Variants in CPLANE1 observed in about 807,000 individuals in gnomAD.
The protein encoded by CPLANE1 is ciliogenesis and planar polarity effector complex subunit 1.
A neutral mutation model predicts 362.5 loss-of-function variants in CPLANE1; 263 were observed. The ratio of observed to expected loss-of-function variants is 0.73; its 90% confidence interval spans 0.66 to 0.80. CPLANE1 has a LOEUF of 0.80. Among genes scored for constraint, CPLANE1 ranks in the 30% least tolerant of loss-of-function variants. CPLANE1 has a pLI of 0.00. For missense variants in CPLANE1, 3,461 were observed against 3,793.4 expected, an observed-to-expected ratio of 0.91 and a Z score of 2.30; for synonymous variants, 1,212 against 1,302.6, an observed-to-expected ratio of 0.93 and a Z score of 1.50.
Position 37,227,296 on chromosome 5 carries a change from G to A in CPLANE1, c.1468C>T (p.Pro490Ser). 1 of 1,552,018 alleles carries A rather than the reference G, an allele frequency of 6.4e-7. No individual in the cohort carries two copies. Among genetic ancestry groups the A allele is most frequent in the Non-Finnish European group, 8.7e-7 (1 of 1,147,012 alleles). Residue 490 changes from proline to serine, a missense_variant, in exon 11 of 53, where the codon CCC becomes TCC. Physicochemically the swap from Pro to Ser is moderately conservative, Grantham distance 74 (BLOSUM62 -1). Transcript: ENST00000651892. ...GNESSADFTV[P>S]KFLQAEETIN... ...GTTTCTTCTGCCTGCAAGAATTTGG[G>A]GACAGTGAAATCGGCTGAACTTTCA...
chr5:37,113,757 C>A (rs1411039494), intron 51 of CPLANE1, among the ~76,000 whole-genome samples: 1 of 152,156 alleles, frequency 6.6e-6, no homozygotes, highest in African/African-American at 2.4e-5. Context: ...CAAGCCTAGG[C>A]TAATTACTTC....
chr5:37,139,775 C>A lies in CPLANE1; in HGVS notation c.8633-405G>T, dbSNP rs936640941. The A allele has an allele frequency of 7.1e-6, 6 of 844,480 alleles. No individual in the cohort carries two copies. The African/African-American group carries it at 9.2e-5, about 13-fold the overall frequency. The allele number at this position is 844,480 out of a possible 1,614,324, so 52.3% of individuals were successfully genotyped here. A position where few individuals can be genotyped will look rare whatever the true frequency, so the allele number is the denominator to read the frequency against. On this transcript the variant is annotated intron_variant, in intron 44 of 52. Coordinates refer to ENST00000651892, the MANE Select transcript of CPLANE1 (RefSeq NM_001384732.1). ...ATGTTGCCCAGGTTGGTCTCGAACTCCTGAGCTCAAGTGATTCACCTGCCT... is the reference window on the plus strand; with the variant it reads ...ATGTTGCCCAGGTTGGTCTCGAACTACTGAGCTCAAGTGATTCACCTGCCT...
chr5:37,215,272 C>T (rs539815927), intron 15 of CPLANE1, among the ~76,000 whole-genome samples: 18 of 152,258 alleles, frequency 1.2e-4, no homozygotes, highest in African/African-American at 4.3e-4. Context: ...TGGTCTCGAA[C>T]TCTTGACCTC....
chr5:37,213,689 A>T lies in CPLANE1; in HGVS notation c.2790T>A (p.Val930=). The change falls in exon 16 of 53, where the codon GTT becomes GTA. Residue 930 remains valine, a synonymous_variant. Coordinates refer to ENST00000651892, the MANE Select transcript of CPLANE1 (RefSeq NM_001384732.1). ...CGACTCTCACTGCTGCCTCAGGATG[A>T]ACACCGCCCACCATTCCACACTCAA... ...SHFECGMVGG[V]HPEAAVRVVQ... The T allele has an allele frequency of 6.5e-7, 1 of 1,538,054 alleles. No individual in the cohort carries two copies.
intron 49 of CPLANE1, 80 bp downstream of exon 49, chr5:37,121,537 C>CT: frequency 7.5e-7 from 1 of 1,327,374 alleles, no homozygotes; most frequent in South Asian, 1.3e-5. Context: ...ATGCACTGAA[C>CT]TTAGGTCACG....
Position 37,224,758 on chromosome 5 carries a change from T to A in CPLANE1, c.2292-18A>T. 6.6e-7 allele frequency: 1 copy of A among 1,525,348 alleles called. No homozygotes were observed. Among genetic ancestry groups the A allele is most frequent in the Non-Finnish European group, 8.9e-7 (1 of 1,126,214 alleles). The allele number at this position is 1,525,348 out of a possible 1,614,324, so 94.5% of individuals were successfully genotyped here. A position where few individuals can be genotyped will look rare whatever the true frequency, so the allele number is the denominator to read the frequency against. ...TAAGCAATCTGCACATAAAATCAGG[T>A]AATTATCAAAAGCAAATTTCAGGCT... On this transcript the variant is annotated intron_variant, in intron 12 of 52. Coordinates refer to ENST00000651892, the MANE Select transcript of CPLANE1 (RefSeq NM_001384732.1).
At chr5:37,214,442 T>C (rs1793479938) in intron 15 of CPLANE1, among the ~76,000 whole-genome samples, 1 of 151,998 alleles carries the variant, frequency 6.6e-6, no homozygotes, top group Non-Finnish European at 1.5e-5. Flanking sequence ...GCCAGTGCAC[T>C]CCAGCCTGGG....
chr5:37,107,896 CAA>C, intron 52 of CPLANE1, 118 bp from the exon 53 acceptor site: 1 of 1,426,512 alleles, frequency 7.0e-7, no homozygotes, highest in East Asian at 2.5e-5. Context: ...GCTCATCCAT[CAA>C]AAGGCTGAAG....
At chr5:37,110,555 G>T (rs773826739) in intron 51 of CPLANE1, among the ~76,000 whole-genome samples, 39 of 152,100 alleles carry the variant, frequency 2.6e-4, no homozygotes, top group Non-Finnish European at 4.9e-4. Flanking sequence ...TGCTAGAGTA[G>T]TTCCACCTAG....
the CPLANE1 span, among the ~76,000 whole-genome samples, chr5:37,098,484 G>T: frequency 1.3e-5 from 2 of 150,390 alleles, no homozygotes; most frequent in African/African-American, 2.5e-5. Flanking sequence ...AGAAACATTG[G>T]AATTAAATTT....
Position 37,184,313 on chromosome 5 carries a change from C to T in CPLANE1, c.4481+475G>A, listed in dbSNP as rs191051743. ...AGGGCAGAACACAGATCCTTAGTTC[C>T]CTCAGTAAGAGAACAGGTGTTGGCC... On this transcript the variant is annotated intron_variant, in intron 25 of 52. Coordinates refer to ENST00000651892, the MANE Select transcript of CPLANE1 (RefSeq NM_001384732.1). Among the ~76,000 whole-genome samples the T allele has an allele frequency of 5.9e-3, 894 of 152,138 alleles. 34 individuals are homozygous for T. The highest frequency in any genetic ancestry group is 0.052 in the Admixed American group (792 of 15,262).
the CPLANE1 span, among the ~76,000 whole-genome samples, chr5:37,076,398 G>A: frequency 4.0e-5 from 6 of 151,606 alleles, no homozygotes; most frequent in African/African-American, 9.7e-5. Context: ...CGCAACCTTC[G>A]CCTCCCAGAT....
intron 5 of CPLANE1, among the ~76,000 whole-genome samples, chr5:37,243,587 C>A (rs1738381825): frequency 6.7e-6 from 1 of 149,900 alleles, no homozygotes; most frequent in African/African-American, 2.4e-5. Flanking sequence ...TGTTATTTCC[C>A]AGTTAAATCG....
At chr5:37,131,334 T>A (rs906106425) in intron 46 of CPLANE1, among the ~76,000 whole-genome samples, 2 of 152,104 alleles carry the variant, frequency 1.3e-5, no homozygotes, top group African/African-American at 4.8e-5. Context: ...CACAGTCAGC[T>A]AGTCTCACTC....
chr5:37,244,952 C>G (rs1373313989), intron 4 of CPLANE1, among the ~76,000 whole-genome samples: 1 of 151,694 alleles, frequency 6.6e-6, no homozygotes, highest in Non-Finnish European at 1.5e-5. Flanking sequence ...GAGATCAAGA[C>G]CATCCTGGCT....
rs1339135347 is a variant in CPLANE1, at chr5:37,107,629, C to T, written c.9729G>A (p.Leu3243=). 3 of 1,610,934 alleles carry T rather than the reference C, an allele frequency of 1.9e-6. No individual in the cohort carries two copies. In the East Asian group the frequency reaches 6.7e-5, roughly 36 times the overall value. Residue 3243 remains leucine (L), a synonymous_variant, in exon 53 of 53, where the codon CTG becomes CTA. Transcript: ENST00000651892. ...ACAGGTCCAGGGCCCAGTGGACAGA[C>T]AGGCCCTGGTCCTCCACGCTGGCCA... ...DMVASVEDQG[L]SVHWALDL
chr5:37,162,374 T>C lies in CPLANE1; in HGVS notation c.7690+91A>G, dbSNP rs1580310115. 1.3e-5 allele frequency: 10 copies of C among 758,028 alleles called. No individual in the cohort carries two copies. The East Asian group carries it at 2.7e-4, about 20-fold the overall frequency. The allele number at this position is 758,028 out of a possible 1,614,324, so 47.0% of individuals were successfully genotyped here. ...TAAATAATATCACATAATTAAAAAT[T>C]CCCTTTAAATCACTGTCTTAAAGGA... On this transcript the variant is annotated intron_variant, in intron 38 of 52. Coordinates refer to ENST00000651892, the MANE Select transcript of CPLANE1 (RefSeq NM_001384732.1).
chr5:37,086,981 C>A, the CPLANE1 span, among the ~76,000 whole-genome samples: 460 of 152,244 alleles, frequency 3.0e-3, 2 homozygotes, highest in Non-Finnish European at 4.9e-3. Flanking sequence ...GTCATTGGTG[C>A]CCGCTTGGGA....
intron 21 of CPLANE1, 63 bp downstream of exon 21, chr5:37,195,795 C>A: frequency 2.6e-6 from 4 of 1,524,834 alleles, no homozygotes; most frequent in Non-Finnish European, 3.5e-6. Context: ...CAATACTTTC[C>A]CAAATCAAAT....
Sources: gnomAD v4.1 joint callset for allele counts (sites outside exome capture counted in the v4.1 genomes callset) on GRCh38, gnomAD v4.1.1 for gene constraint, MANE v1.5 for transcripts, NCBI Gene and HGNC (gene_info 2026-07-23, HGNC 2026-07-21) for gene names.